The following MGAT4C variants were observed in gnomAD, a reference collection of about 807,000 sequenced individuals.
MGAT4C encodes MGAT4 family member C.
MGAT4C carries 19 observed loss-of-function variants against 40.1 expected under a neutral mutation model. The observed-to-expected ratio is 0.47, with a 90% confidence interval of 0.33 to 0.70. The LOEUF (loss-of-function observed/expected upper bound fraction) is 0.70, where lower values mean the gene tolerates loss of function less well. Among genes scored for constraint, MGAT4C ranks in the 30% least tolerant of loss-of-function variants. The pLI, the probability that MGAT4C is intolerant of heterozygous loss-of-function variation, is 0.02. For synonymous variants in MGAT4C, 181 were observed against 187.1 expected (o/e 0.97, Z 0.27); for missense variants, 491 against 563.2 (o/e 0.87, Z 1.30).
At chr12:86,272,586 C>T (rs1566249170) in intron 4 of MGAT4C, among the ~76,000 whole-genome samples, 1 of 152,036 alleles carries the variant, frequency 6.6e-6, no homozygotes, top group Non-Finnish European at 1.5e-5. Context: ...AGGTGCAGCT[C>T]ATGCCTATAA....
chr12:86,735,073 CTG>C lies in MGAT4C; in HGVS notation c.-261-7834_-261-7833del, dbSNP rs1356646237. Among the ~76,000 whole-genome samples, 8 of 152,102 alleles carry C rather than the reference CTG, an allele frequency of 5.3e-5. No individual in the cohort carries two copies. In the East Asian group the frequency reaches 1.6e-3, roughly 30 times the overall value. On this transcript the variant is annotated intron_variant, in intron 1 of 7. Transcript: ENST00000548651. Reference sequence around the variant, plus strand: ...ACTTGAGTTTGGTTCTCTACATAAACTGTAGAGAATCCAATCTACTTAGGATG... The same window carrying C: ...ACTTGAGTTTGGTTCTCTACATAAACTAGAGAATCCAATCTACTTAGGATG...
chr12:86,784,720 A>G (rs547769082), intron 1 of MGAT4C, among the ~76,000 whole-genome samples: 36 of 152,148 alleles, frequency 2.4e-4, no homozygotes, highest in East Asian at 1.4e-3. Context: ...CCCTGAAGGA[A>G]GCAAAGACTG....
At chr12:86,676,959 A>G (rs1223336397) in intron 2 of MGAT4C, among the ~76,000 whole-genome samples, 1 of 152,146 alleles carries the variant, frequency 6.6e-6, no homozygotes, top group Non-Finnish European at 1.5e-5. Context: ...AAATATTTCT[A>G]GACATCCTCC....
At chr12:86,335,637 G>A (rs1167792183) in intron 3 of MGAT4C, among the ~76,000 whole-genome samples, 2 of 152,020 alleles carry the variant, frequency 1.3e-5, no homozygotes, top group Non-Finnish European at 2.9e-5. Flanking sequence ...CCATCCAGAG[G>A]CAAAACTCTT....
At chr12:86,446,658 C>CAT (rs34157468) in intron 2 of MGAT4C, among the ~76,000 whole-genome samples, 1,142 of 35,238 alleles carry the variant, frequency 0.032, 73 homozygotes, top group Non-Finnish European at 0.043. Context: ...TCATGTAACT[C>CAT]ATATATATAT....
chr12:86,494,824 A>C (rs1958209495), intron 2 of MGAT4C, among the ~76,000 whole-genome samples: 1 of 152,096 alleles, frequency 6.6e-6, no homozygotes. Context: ...AAAGGGATTG[A>C]ATTATAAGTA....
Position 86,519,432 on chromosome 12 carries a change from T to C in MGAT4C, c.-228-84167A>G, listed in dbSNP as rs11536079. The stretch of plus-strand genomic sequence containing the variant: ...TTGGATATATACCCAGTAGTGAGAT[T>C]GCTGGATCATGTGGCAGTTCTACCT... On this transcript the variant is annotated intron_variant, in intron 2 of 7. Coordinates refer to the MGAT4C transcript ENST00000548651. 6.9e-3 allele frequency among the ~76,000 whole-genome samples: 1,057 copies of C among 152,276 alleles called. 54 individuals carry two copies. The East Asian group carries it at 0.15, about 22-fold the overall frequency.
chr12:85,992,797 T>C (rs868005192), intron 2 of MGAT4C, among the ~76,000 whole-genome samples: 3 of 152,222 alleles, frequency 2.0e-5, no homozygotes, highest in Non-Finnish European at 2.9e-5. Flanking sequence ...CAAGGTCCCA[T>C]GTGCTGGCCT....
At chr12:86,239,278 A>G (rs1013631079) in intron 1 of MGAT4C, among the ~76,000 whole-genome samples, 4 of 152,166 alleles carry the variant, frequency 2.6e-5, no homozygotes, top group African/African-American at 9.6e-5. Context: ...GAAAATTTTT[A>G]TTTAGGAAAG....
intron 3 of MGAT4C, among the ~76,000 whole-genome samples, chr12:86,394,762 G>A (rs980478281): frequency 6.6e-6 from 1 of 150,744 alleles, no homozygotes; most frequent in Non-Finnish European, 1.5e-5. Context: ...TGGGATTACA[G>A]GATCACACAC....
chr12:86,249,241 GAAACTCTTTCCC>G (rs1952166272), intron 1 of MGAT4C, among the ~76,000 whole-genome samples: 1 of 152,004 alleles, frequency 6.6e-6, no homozygotes, highest in South Asian at 2.1e-4. Flanking sequence ...ACTGACTTCA[GAAACTCTTTCCC>G]AAACTCTGGT....
chr12:86,200,949 C>G (rs543289462), intron 1 of MGAT4C, among the ~76,000 whole-genome samples: 2 of 152,220 alleles, frequency 1.3e-5, no homozygotes, highest in African/African-American at 4.8e-5. Context: ...AGAAGGCAGC[C>G]GTCTACAAGC....
chr12:86,236,298 T>C (rs1449032897), intron 1 of MGAT4C, among the ~76,000 whole-genome samples: 3 of 152,052 alleles, frequency 2.0e-5, no homozygotes, highest in Non-Finnish European at 4.4e-5. Flanking sequence ...ATACTAATTA[T>C]CTTGGTTCTC....
chr12:86,568,054 G>C (rs747277762), intron 2 of MGAT4C, among the ~76,000 whole-genome samples: 4 of 152,094 alleles, frequency 2.6e-5, no homozygotes, highest in Admixed American at 6.6e-5. Context: ...GGTTCACGTT[G>C]ACAAGGGGTG....
At chr12:86,296,707 C>T (rs867769831) in intron 4 of MGAT4C, among the ~76,000 whole-genome samples, 9 of 152,220 alleles carry the variant, frequency 5.9e-5, no homozygotes, top group Non-Finnish European at 8.8e-5. Flanking sequence ...GTGCGGGGCC[C>T]GCCAAGCCCA....
At chr12:86,791,355 C>A (rs1031962806) in intron 1 of MGAT4C, among the ~76,000 whole-genome samples, 15 of 151,542 alleles carry the variant, frequency 9.9e-5, no homozygotes, top group Non-Finnish European at 1.8e-4. Flanking sequence ...GACCAGATAT[C>A]ATACAGGTTT....
intron 1 of MGAT4C, among the ~76,000 whole-genome samples, chr12:86,202,859 T>C (rs1302090022): frequency 6.6e-6 from 1 of 152,162 alleles, no homozygotes; most frequent in Non-Finnish European, 1.5e-5. Context: ...TTTTGCAATT[T>C]CAAAATTATT....
At chr12:86,589,078 CA>C (rs1234064091) in intron 2 of MGAT4C, among the ~76,000 whole-genome samples, 1 of 151,010 alleles carries the variant, frequency 6.6e-6, no homozygotes, top group East Asian at 2.0e-4. Flanking sequence ...GAAATAGAGA[CA>C]CAAAAAACCC....
intron 1 of MGAT4C, among the ~76,000 whole-genome samples, chr12:86,207,442 T>C (rs1950300442): frequency 6.6e-6 from 1 of 151,948 alleles, no homozygotes; most frequent in South Asian, 2.1e-4. Context: ...CCCTCCCCTT[T>C]CCCTCGACCC....
Sources: allele counts gnomAD v4.1 joint callset (sites outside exome capture counted in the v4.1 genomes callset), GRCh38; gene constraint gnomAD v4.1.1; transcripts MANE v1.5; gene names NCBI Gene and HGNC (gene_info 2026-07-23, HGNC 2026-07-21).